Variants in ACADS observed in about 807,000 individuals in gnomAD.
ACADS encodes the protein acyl-CoA dehydrogenase short chain, also known as short-chain specific acyl-CoA dehydrogenase, mitochondrial.
ACADS carries 28 observed loss-of-function variants against 46.8 expected under a neutral mutation model. The ratio of observed to expected loss-of-function variants is 0.60; its 90% confidence interval spans 0.44 to 0.82. The LOEUF (loss-of-function observed/expected upper bound fraction) is 0.82, where lower values mean the gene tolerates loss of function less well. ACADS is among the 40% of genes least tolerant of loss of function. The pLI, the probability that ACADS is intolerant of heterozygous loss-of-function variation, is 0.00. For missense variants in ACADS, 528 were observed against 578.0 expected, an observed-to-expected ratio of 0.91 and a Z score of 0.89; for synonymous variants, 236 against 237.7, an observed-to-expected ratio of 0.99 and a Z score of 0.07.
chr12:120,737,890 T>C lies in ACADS; in HGVS notation c.526T>C (p.Ser176Pro). 6.2e-7 allele frequency: 1 copy of C among 1,614,110 alleles called. No individual in the cohort carries two copies. The highest frequency in any genetic ancestry group is 8.5e-7 in the Non-Finnish European group (1 of 1,179,992). ...ASTTARAEGD[S>P]WVLNGTKAWI... ...CACCACCGCCCGGGCCGAGGGCGAC[T>C]CATGGGTTCTGAATGGAACCAAAGC... The change falls in exon 5 of 10, where the codon TCA becomes CCA. Residue 176 changes from serine (S) to proline (P), a missense_variant. Physicochemically the swap from Ser to Pro is moderately conservative, Grantham distance 74. Transcript: ENST00000242592.
At position 120,736,954 on chromosome 12, in the gene ACADS, G is replaced by A. The variant is rs1566026917; in HGVS notation, c.211-32G>A. On this transcript the variant is annotated intron_variant, in intron 2 of 9. Coordinates refer to ENST00000242592, the MANE Select transcript of ACADS (RefSeq NM_000017.4). ...GAGGGTGGGCTCGCCCCCGGCAGCT[G>A]CCCATGGCGTGCCGTCCTTCCCTGT... The A allele has an allele frequency of 4.4e-6, 7 of 1,573,338 alleles. No homozygotes were observed. The Admixed American group carries it at 5.4e-5, about 12-fold the overall frequency.
intron 2 of ACADS, among the ~76,000 whole-genome samples, chr12:120,731,242 G>A (rs2136942599): frequency 6.6e-6 from 1 of 152,156 alleles, no homozygotes; most frequent in African/African-American, 2.4e-5. Flanking sequence ...TGGGATTACA[G>A]GCCTGAGCTA....
At chr12:120,726,037 C>A in intron 1 of ACADS, 106 bp downstream of exon 1, 1 of 1,226,316 alleles carries the variant, frequency 8.2e-7, no homozygotes, top group Non-Finnish European at 1.1e-6. Context: ...GGCGGAGCCC[C>A]ACTCCGGGAG....
chr12:120,730,794 T>C (rs1883225067), intron 2 of ACADS, among the ~76,000 whole-genome samples: 2 of 91,648 alleles, frequency 2.2e-5, no homozygotes, highest in East Asian at 5.6e-4. Flanking sequence ...AAGGAGGGTG[T>C]GTCTCTGTCC....
At chr12:120,736,795 A>G (rs1283039676) in intron 2 of ACADS, among the ~76,000 whole-genome samples, 191 bp from the exon 3 acceptor site, 1 of 152,104 alleles carries the variant, frequency 6.6e-6, no homozygotes, top group Non-Finnish European at 1.5e-5. Context: ...TTGAATGAGA[A>G]GTGCCATCAT....
In ACADS at chr12:120,725,863, G is replaced by T; in HGVS notation, c.-23G>T. On this transcript the variant is annotated 5_prime_UTR_variant, in exon 1 of 10. Coordinates refer to ENST00000242592, the MANE Select transcript of ACADS (RefSeq NM_000017.4). ...CGCGCTCGCAGCGGGAGGTCGCGAAGCCTGGGACTGTGTCTGTCGCCCATG... is the reference window on the plus strand; with the variant it reads ...CGCGCTCGCAGCGGGAGGTCGCGAATCCTGGGACTGTGTCTGTCGCCCATG... 1 of 1,542,410 alleles carries T rather than the reference G, an allele frequency of 6.5e-7. No homozygotes were observed.
At position 120,739,764 on chromosome 12, in the gene ACADS, G is replaced by T. The variant is rs539430171; in HGVS notation, c.*316G>T. ...CAGTTGTCCTCCCGCGGGCCCTGGT[G>T]CCCTGGCATGAAGGCCCAGTGCGAC... On this transcript the variant is annotated 3_prime_UTR_variant, in exon 10 of 10. Coordinates refer to ENST00000242592, the MANE Select transcript of ACADS (RefSeq NM_000017.4). 19 of 417,550 alleles carry T rather than the reference G, an allele frequency of 4.6e-5. No homozygotes were observed. The East Asian group carries it at 7.9e-4, about 17-fold the overall frequency. 25.9% of individuals were successfully genotyped at this position (417,550 alleles called of 1,614,324 possible).
At chr12:120,737,206 T>C in intron 3 of ACADS, 71 bp downstream of exon 3, 1 of 1,545,258 alleles carries the variant, frequency 6.5e-7, no homozygotes, top group South Asian at 1.2e-5. Context: ...GGCTCTGGCC[T>C]CGGCTCCCAG....
intron 2 of ACADS, among the ~76,000 whole-genome samples, chr12:120,727,595 G>A (rs1181179298): frequency 6.6e-6 from 1 of 152,192 alleles, no homozygotes; most frequent in Non-Finnish European, 1.5e-5. Flanking sequence ...GGAGTGCAAT[G>A]GTGCGACCTC....
intron 2 of ACADS, among the ~76,000 whole-genome samples, chr12:120,735,978 G>A (rs1399573940): frequency 1.3e-5 from 2 of 151,706 alleles, no homozygotes; most frequent in Admixed American, 6.6e-5. Flanking sequence ...GAAAAGCAAC[G>A]GTTCCCTCCC....
At chr12:120,738,068 G>A (rs776042551) in intron 5 of ACADS, 80 bp downstream of exon 5, 9 of 1,602,096 alleles carry the variant, frequency 5.6e-6, no homozygotes, top group South Asian at 2.2e-5. Flanking sequence ...TCCTTGGCCC[G>A]ACTGGACCTA....
Position 120,728,464 on chromosome 12 carries a change from T to C in ACADS, c.210+1275T>C, listed in dbSNP as rs1467204122. Among the ~76,000 whole-genome samples, 3 of 143,900 alleles carry C rather than the reference T, an allele frequency of 2.1e-5. No individual in the cohort carries two copies. The highest frequency in any genetic ancestry group is 4.6e-5 in the Non-Finnish European group (3 of 65,822). The allele number at this position is 143,900 out of a possible 152,430, so 94.4% of individuals were successfully genotyped here. A position where few individuals can be genotyped will look rare whatever the true frequency, so the allele number is the denominator to read the frequency against. On this transcript the variant is annotated intron_variant, in intron 2 of 9. Transcript: ENST00000242592. This position sits in a 1 kb window ranked among gnomAD's most constrained non-coding sequence, Gnocchi z 4.0. ...AAAGTCAAACCTCTCCGGCCTCTTC[T>C]CCTTGCCTGTTTTTTTTTTTAATTT...
intron 2 of ACADS, among the ~76,000 whole-genome samples, chr12:120,736,054 G>A (rs1372529385): frequency 1.3e-5 from 2 of 152,014 alleles, no homozygotes; most frequent in African/African-American, 4.8e-5. Context: ...CTCTCCCAGA[G>A]ATAAGTGGTT....
rs372974263 is a variant in ACADS at position 120,737,156 on chromosome 12, C to G, written c.360+21C>G. The G allele has an allele frequency of 8.9e-6, 14 of 1,565,598 alleles. No individual in the cohort carries two copies. Among genetic ancestry groups the G allele is most frequent in the Non-Finnish European group, 1.2e-5 (14 of 1,154,312 alleles). On this transcript the variant is annotated intron_variant, in intron 3 of 9. Transcript: ENST00000242592. The stretch of plus-strand genomic sequence containing the variant: ...ACAACGTGAGCCCCCTCCCAGGCCC[C>G]TGGGACACACGGGTGGAGGGAGGCT...
chr12:120,727,558 C>T (rs552485356), intron 2 of ACADS, among the ~76,000 whole-genome samples: 5 of 152,286 alleles, frequency 3.3e-5, no homozygotes, highest in East Asian at 1.9e-4. Flanking sequence ...TTTTTTGAGA[C>T]GGAGTTTCAC....
chr12:120,739,081 G>T, intron 8 of ACADS, 59 bp from the exon 9 acceptor site: 1 of 1,606,386 alleles, frequency 6.2e-7, no homozygotes, highest in Non-Finnish European at 8.5e-7. Flanking sequence ...AGGGAGTGGG[G>T]GAGCAGGGGA....
At chr12:120,733,663 A>G (rs1483183060) in intron 2 of ACADS, among the ~76,000 whole-genome samples, 1 of 151,648 alleles carries the variant, frequency 6.6e-6, no homozygotes, top group Non-Finnish European at 1.5e-5. Context: ...CCACAGAACA[A>G]TCTTCTTTTT....
rs550652942 is a variant in ACADS, at chr12:120,739,753, C to A, written c.*305C>A. On this transcript the variant is annotated 3_prime_UTR_variant, in exon 10 of 10. Coordinates refer to ENST00000242592, the MANE Select transcript of ACADS (RefSeq NM_000017.4). The stretch of plus-strand genomic sequence containing the variant: ...CAGGGACACCTCAGTTGTCCTCCCG[C>A]GGGCCCTGGTGCCCTGGCATGAAGG... 11 of 439,840 alleles carry A rather than the reference C, an allele frequency of 2.5e-5. No individual in the cohort carries two copies. The highest frequency in any genetic ancestry group is 3.8e-5 in the Non-Finnish European group (9 of 238,886). The allele number at this position is 439,840 out of a possible 1,614,324, so 27.2% of individuals were successfully genotyped here.
intron 5 of ACADS, 48 bp from the exon 6 acceptor site, chr12:120,738,232 G>GT: frequency 6.2e-7 from 1 of 1,613,610 alleles, no homozygotes; most frequent in Non-Finnish European, 8.5e-7. Context: ...TGGTGTGAGG[G>GT]TGTGGCTGAG....
Sources: gnomAD v4.1 joint callset for allele counts (sites outside exome capture counted in the v4.1 genomes callset) on GRCh38, gnomAD v4.1.1 for gene constraint, Gnocchi (gnomAD v3.1) non-coding constraint, MANE v1.5 for transcripts, NCBI Gene and HGNC (gene_info 2026-07-23, HGNC 2026-07-21) for gene names.